The following TMPRSS3 variants were observed in gnomAD, a reference collection of about 807,000 sequenced individuals.
TMPRSS3 encodes the protein transmembrane serine protease 3, also known as transmembrane protease serine 3.
In TMPRSS3, 55 loss-of-function variants were observed where a neutral mutation model predicts 59.6. The ratio of observed to expected loss-of-function variants is 0.92; its 90% CI spans 0.74 to 1.16. The LOEUF is 1.16. Among genes scored for constraint, TMPRSS3 ranks in the 50% most tolerant of loss-of-function variants. The pLI is 0.00. For missense variants in TMPRSS3, 596 were observed against 579.4 expected (o/e 1.03, Z -0.29); for synonymous variants, 257 against 237.7 (o/e 1.08, Z -0.75).
At chr21:42,393,828 AAAG>A (rs1192218514) in intron 2 of TMPRSS3, among the ~76,000 whole-genome samples, 1 of 152,220 alleles carries the variant, frequency 6.6e-6, no homozygotes, top group African/African-American at 2.4e-5. Context: ...TTTATTTACA[AAAG>A]AAGGGGGTGG....
intron 2 of TMPRSS3, among the ~76,000 whole-genome samples, chr21:42,392,456 G>A (rs1034635673): frequency 6.6e-6 from 1 of 152,244 alleles, no homozygotes; most frequent in Non-Finnish European, 1.5e-5. Flanking sequence ...ACCGTGGCAA[G>A]TTCTGTGTTT....
chr21:42,378,064 T>C (rs2052460512), intron 10 of TMPRSS3, among the ~76,000 whole-genome samples: 2 of 152,144 alleles, frequency 1.3e-5, no homozygotes, highest in Non-Finnish European at 2.9e-5. Flanking sequence ...TAGATTGGTG[T>C]CCCAGCTCCC....
At chr21:42,387,280 G>A (rs1192801766) in intron 5 of TMPRSS3, among the ~76,000 whole-genome samples, 2 of 152,024 alleles carry the variant, frequency 1.3e-5, no homozygotes, top group Admixed American at 1.3e-4. Context: ...AAGAGAAAAG[G>A]AGGCCCCCCA....
At chr21:42,380,637 C>A (rs987352100) in intron 9 of TMPRSS3, among the ~76,000 whole-genome samples, 2 of 152,210 alleles carry the variant, frequency 1.3e-5, no homozygotes, top group Admixed American at 6.5e-5. Context: ...GGCTCTCAGG[C>A]CAACGCGTGC....
chr21:42,383,874 ACAGAGCCC>A (rs762872046), intron 7 of TMPRSS3, 88 bp downstream of exon 7: 1 of 1,324,272 alleles, frequency 7.6e-7, no homozygotes. Context: ...AGGAAGGGAT[ACAGAGCCC>A]CATGGGGGGA....
rs756661523 is a variant in TMPRSS3, at chr21:42,383,929, T to G, written c.616+41A>C. On this transcript the variant is annotated intron_variant, in intron 7 of 12. Transcript: ENST00000644384. ...GGGCAAGGAGATAGGACTTAGCATG[T>G]GCTTGCTCCCCCTGGACCCCTGCCT... The G allele has an allele frequency of 5.0e-6, 8 of 1,609,854 alleles. No homozygotes were observed. The African/African-American group carries it at 9.4e-5, about 19-fold the overall frequency.
rs777868593 is a variant in TMPRSS3 at position 42,395,315 on chromosome 21, T to C, written c.94+9A>G. The stretch of plus-strand genomic sequence containing the variant: ...AGAAATCACAGAGTCCTCACCTGGG[T>C]CCACTTACCTGGTGCAACAGGACTT... On this transcript the variant is annotated intron_variant, in intron 2 of 12. Transcript: ENST00000644384. The C allele has an allele frequency of 4.3e-6, 7 of 1,611,938 alleles. No individual in the cohort carries two copies. In the Admixed American group the frequency reaches 6.7e-5, roughly 15 times the overall value.
At chr21:42,374,765 A>G (rs940804069) in intron 12 of TMPRSS3, among the ~76,000 whole-genome samples, 1 of 152,202 alleles carries the variant, frequency 6.6e-6, no homozygotes, top group Middle Eastern at 3.2e-3. Context: ...GGGAAAAAAA[A>G]CGTACTTACT....
chr21:42,372,547 G>T lies in TMPRSS3; in HGVS notation c.*215C>A, dbSNP rs776179259. The T allele has an allele frequency of 1.5e-6, 1 of 684,714 alleles. No homozygotes were observed. The highest frequency in any genetic ancestry group is 2.9e-5 in the East Asian group (1 of 34,820). The allele number at this position is 684,714 out of a possible 1,614,324, so 42.4% of individuals were successfully genotyped here. A position where few individuals can be genotyped will look rare whatever the true frequency, so the allele number is the denominator to read the frequency against. On this transcript the variant is annotated 3_prime_UTR_variant, in exon 13 of 13. Coordinates refer to ENST00000644384, the MANE Select transcript of TMPRSS3 (RefSeq NM_001256317.3). The stretch of plus-strand genomic sequence containing the variant: ...TGCACTCCAGCCTGGGCAACAGAGC[G>T]AGACTCCATCTCAAAAAAACAAAAA...
Position 42,387,371 on chromosome 21 carries a change from A to AGTGTGTGTGTGTGTGTGT in TMPRSS3, c.446+1014_446+1031dup, listed in dbSNP as rs59669731. The stretch of plus-strand genomic sequence containing the variant: ...AATGGGGAAGCTCTCAGCTGTGTGC[A>AGTGTGTGTGTGTGTGTGT]GTGTGTGTGTGTGTGTGTGTGTGTG... On this transcript the variant is annotated intron_variant, in intron 5 of 12. Coordinates refer to ENST00000644384, the MANE Select transcript of TMPRSS3 (RefSeq NM_001256317.3). Among the ~76,000 whole-genome samples, 817 of 147,188 alleles carry AGTGTGTGTGTGTGTGTGT rather than the reference A, an allele frequency of 5.6e-3. 9 individuals are homozygous for AGTGTGTGTGTGTGTGTGT. The highest frequency in any genetic ancestry group is 0.021 in the Middle Eastern group (6 of 288).
In TMPRSS3 at chr21:42,388,264, G is replaced by T; in HGVS notation, c.446+139C>A. ...TTGCCTGTGAAGTGAGGATGATATCGGGCATCCTAAGGTGGATGTGAGGAT... is the reference window on the plus strand; with the variant it reads ...TTGCCTGTGAAGTGAGGATGATATCTGGCATCCTAAGGTGGATGTGAGGAT... On this transcript the variant is annotated intron_variant, in intron 5 of 12. Coordinates refer to ENST00000644384, the MANE Select transcript of TMPRSS3 (RefSeq NM_001256317.3). This position sits in a 1 kb window ranked among gnomAD's most constrained non-coding sequence, Gnocchi z 5.1. The T allele has an allele frequency of 8.6e-7, 1 of 1,159,164 alleles. No individual in the cohort carries two copies. The highest frequency in any genetic ancestry group is 2.5e-5 in the East Asian group (1 of 40,446). The allele number at this position is 1,159,164 out of a possible 1,614,324, so 71.8% of individuals were successfully genotyped here.
At chr21:42,378,248 C>A (rs2146426898) in intron 10 of TMPRSS3, among the ~76,000 whole-genome samples, 2 of 152,332 alleles carry the variant, frequency 1.3e-5, no homozygotes, top group Middle Eastern at 6.8e-3. Flanking sequence ...GGCCCACAGA[C>A]TCGAAGCATC....
intron 9 of TMPRSS3, among the ~76,000 whole-genome samples, chr21:42,381,012 T>C (rs2052519167): frequency 6.6e-6 from 1 of 152,250 alleles, no homozygotes; most frequent in Non-Finnish European, 1.5e-5. Flanking sequence ...GAAATATTTG[T>C]TTCTGGGCAT....
At chr21:42,380,848 TGTGCAGAACA>T (rs1260011231) in intron 9 of TMPRSS3, among the ~76,000 whole-genome samples, 2 of 152,272 alleles carry the variant, frequency 1.3e-5, no homozygotes, top group Non-Finnish European at 2.9e-5. Context: ...CGAGCTTTTC[TGTGCAGAACA>T]GTAATGGAGA....
intron 6 of TMPRSS3, among the ~76,000 whole-genome samples, chr21:42,385,104 C>T (rs189783314): frequency 2.7e-4 from 23 of 86,596 alleles, no homozygotes; most frequent in African/African-American, 1.2e-3. Flanking sequence ...CCCCTTCTTG[C>T]TTGCCTGCTT....
chr21:42,378,468 T>A (rs2052466095), intron 10 of TMPRSS3, among the ~76,000 whole-genome samples: 1 of 152,090 alleles, frequency 6.6e-6, no homozygotes, highest in African/African-American at 2.4e-5. Context: ...GCGTTTAGGG[T>A]GGACCCTAAA....
chr21:42,389,865 C>T (rs550886859), intron 3 of TMPRSS3, 62 bp downstream of exon 3: 6 of 1,257,074 alleles, frequency 4.8e-6, no homozygotes, highest in Middle Eastern at 3.7e-4. Context: ...AGGGGGCGCT[C>T]ATGAAAGTTT....
chr21:42,383,314 C>G, intron 7 of TMPRSS3, 116 bp from the exon 8 acceptor site: 2 of 1,105,574 alleles, frequency 1.8e-6, no homozygotes, highest in Non-Finnish European at 2.7e-6. Flanking sequence ...GCTCCCAGAG[C>G]TCACAGCAGC....
rs954233121 is a variant in TMPRSS3 at position 42,388,581 on chromosome 21, A to T, written c.323-55T>A. On this transcript the variant is annotated intron_variant, in intron 4 of 12. Transcript: ENST00000644384. The surrounding 1 kb of genome is among the most constrained non-coding windows in gnomAD (Gnocchi z 5.1). ...TAGTGGCCAGTGGAACCCTGAGACCATAGGCAGGGGTTTCTCCACAGCCAG... is the reference window on the plus strand; with the variant it reads ...TAGTGGCCAGTGGAACCCTGAGACCTTAGGCAGGGGTTTCTCCACAGCCAG... The T allele has an allele frequency of 6.2e-7, 1 of 1,613,498 alleles. No individual in the cohort carries two copies. The highest frequency in any genetic ancestry group is 8.5e-7 in the Non-Finnish European group (1 of 1,179,856).
Sources: gnomAD v4.1 joint callset for allele counts (sites outside exome capture counted in the v4.1 genomes callset) on GRCh38, gnomAD v4.1.1 for gene constraint, Gnocchi (gnomAD v3.1) non-coding constraint, MANE v1.5 for transcripts, NCBI Gene and HGNC (gene_info 2026-07-23, HGNC 2026-07-21) for gene names.